The following KIAA0586 variants were observed in gnomAD, a reference collection of about 807,000 sequenced individuals.
KIAA0586 encodes KIAA0586, also known as protein TALPID3.
In KIAA0586, 144 loss-of-function variants were observed where a neutral mutation model predicts 169.8. The observed-to-expected ratio is 0.85, with a 90% CI of 0.74 to 0.97. The LOEUF (loss-of-function observed/expected upper bound fraction) is 0.97. Among genes scored for constraint, KIAA0586 ranks in the 50% least tolerant of loss-of-function variants. The pLI is 0.00. For synonymous variants in KIAA0586, 625 were observed against 612.4 expected, an observed-to-expected ratio of 1.02 and a Z score of -0.30; for missense variants, 1,854 against 1,823.0, an observed-to-expected ratio of 1.02 and a Z score of -0.31.
intron 10 of KIAA0586, 33 bp downstream of exon 10, chr14:58,456,843 A>G: frequency 1.8e-6 from 2 of 1,093,052 alleles, no homozygotes; most frequent in South Asian, 2.8e-5. Context: ...ATTGATGATT[A>G]GTTAAGATAA....
At position 58,459,827 on chromosome 14, in the gene KIAA0586, C is replaced by T. The variant is rs1354660207; in HGVS notation, c.1657-16C>T. On this transcript the variant is annotated splice_polypyrimidine_tract_variant and intron_variant, in intron 12 of 30. Transcript: ENST00000652326. ...TTGTAGACATTTTAAGTAATTTTAA[C>T]TTTGGTTATGTTAAGGATGAACTGT... 1.5e-6 allele frequency: 2 copies of T among 1,374,452 alleles called. No individual in the cohort carries two copies. Among genetic ancestry groups the T allele is most frequent in the South Asian group, 1.4e-5 (1 of 73,026 alleles). 85.1% of individuals were successfully genotyped at this position (1,374,452 alleles called of 1,614,324 possible). A position where few individuals can be genotyped will look rare whatever the true frequency, so the allele number is the denominator to read the frequency against.
intron 6 of KIAA0586, among the ~76,000 whole-genome samples, chr14:58,445,943 A>C (rs2038860470): frequency 6.6e-6 from 1 of 151,368 alleles, no homozygotes; most frequent in South Asian, 2.1e-4. Context: ...ATCTCAGTTC[A>C]CTGCAGCCTC....
chr14:58,521,623 C>G (rs2045235245), intron 29 of KIAA0586: 1 of 1,056,976 alleles, frequency 9.5e-7, no homozygotes, highest in African/African-American at 1.6e-5. Flanking sequence ...GGGGATCTTC[C>G]AAGTCTGGAA....
At chr14:58,553,177 A>G (rs1050148080), downstream of KIAA0586, among the ~76,000 whole-genome samples, 1 of 152,342 alleles carries the variant, frequency 6.6e-6, no homozygotes, top group African/African-American at 2.4e-5. Context: ...ATGTAATTAC[A>G]ACAACAGCCT....
Position 58,492,195 on chromosome 14 carries a change from T to A in KIAA0586, c.3910T>A (p.Phe1304Ile), listed in dbSNP as rs1441855459. ...GQVIRMSHKK[F>I]HADAILSFAK... ...AGTGATTAGGATGTCCCATAAAAAA[T>A]TTCATGCAGATGCAATTCTTTCTTT... Residue 1304 changes from phenylalanine to isoleucine, a missense_variant, in exon 26 of 31, where the codon TTT (phenylalanine) becomes ATT (isoleucine). Physicochemically the swap from Phe to Ile is conservative, Grantham distance 21. Transcript: ENST00000652326. 3.2e-6 allele frequency: 5 copies of A among 1,550,228 alleles called. No homozygotes were observed. Among genetic ancestry groups the A allele is most frequent in the Admixed American group, 3.9e-5 (2 of 50,878 alleles).
intron 20 of KIAA0586, among the ~76,000 whole-genome samples, chr14:58,478,703 C>T (rs543638212): frequency 4.6e-4 from 70 of 152,274 alleles, no homozygotes; most frequent in African/African-American, 1.6e-3. Context: ...CTGTCTTCTC[C>T]AAAAGCTTCC....
intron 1 of KIAA0586, among the ~76,000 whole-genome samples, chr14:58,428,666 C>CTTTTTTTTTTTT (rs33975443): frequency 1.3e-5 from 1 of 74,152 alleles, no homozygotes; most frequent in Non-Finnish European, 3.0e-5. Flanking sequence ...CCCTGTTGTG[C>CTTTTTTTTTTTT]TTTTTTTTTT....
chr14:58,486,605 A>G (rs2042460857), intron 21 of KIAA0586, among the ~76,000 whole-genome samples: 1 of 152,226 alleles, frequency 6.6e-6, no homozygotes, highest in Non-Finnish European at 1.5e-5. Context: ...AGTAAAAAAA[A>G]GATTGCCATA....
Position 58,482,674 on chromosome 14 carries a change from G to A in KIAA0586, c.3106G>A (p.Val1036Ile). 12 of 1,585,148 alleles carry A rather than the reference G, an allele frequency of 7.6e-6. No homozygotes were observed. The highest frequency in any genetic ancestry group is 7.7e-6 in the Non-Finnish European group (9 of 1,167,964). The change falls in exon 21 of 31, where the codon GTT becomes ATT. Residue 1036 changes from valine to isoleucine, a missense_variant. Val to Ile is a conservative substitution (Grantham distance 29, BLOSUM62 3). Coordinates refer to ENST00000652326, the MANE Select transcript of KIAA0586 (RefSeq NM_001329943.3). ...AKKQGPVATG[V>I]SGDASTNETY... ...GAAGCAAGGTCCTGTTGCTACAGGT[G>A]TTTCTGGGGATGCTTCAACAAATGA...
intron 21 of KIAA0586, among the ~76,000 whole-genome samples, chr14:58,484,291 G>A (rs192800788): frequency 6.6e-6 from 1 of 152,132 alleles, no homozygotes; most frequent in East Asian, 1.9e-4. Context: ...ATCTTCAGAA[G>A]TGTCATGGCT....
intron 30 of KIAA0586, among the ~76,000 whole-genome samples, chr14:58,543,527 T>TC (rs2046796785): frequency 6.6e-6 from 1 of 152,104 alleles, no homozygotes; most frequent in Non-Finnish European, 1.5e-5. Flanking sequence ...TTTTACTCCT[T>TC]CCCATACAGA....
In KIAA0586 at chr14:58,488,830, A is replaced by T. The variant is rs1169244621; in HGVS notation, c.3737A>T (p.Glu1246Val). ...ETETLDKPIS[E>V]GEILFSCGQK... Reference sequence around the variant, plus strand: ...GAAACTTTAGATAAACCCATCTCTGAAGGAGAGATTTTATTTAGCTGTGGT... The same window carrying T: ...GAAACTTTAGATAAACCCATCTCTGTAGGAGAGATTTTATTTAGCTGTGGT... The change falls in exon 24 of 31, where the codon GAA (glutamate) becomes GTA (valine). Residue 1246 changes from glutamate (E) to valine (V), a missense_variant. Coordinates refer to ENST00000652326, the MANE Select transcript of KIAA0586 (RefSeq NM_001329943.3). 4.3e-6 allele frequency: 7 copies of T among 1,613,716 alleles called. No individual in the cohort carries two copies. In the African/African-American group the frequency reaches 9.3e-5, roughly 22 times the overall value.
At chr14:58,544,861 A>T (rs544240681) in intron 30 of KIAA0586, among the ~76,000 whole-genome samples, 6 of 152,218 alleles carry the variant, frequency 3.9e-5, no homozygotes, top group Non-Finnish European at 8.8e-5. Context: ...TATCCAAACA[A>T]TATTTGATAT....
intron 26 of KIAA0586, among the ~76,000 whole-genome samples, chr14:58,497,550 A>G (rs1485281959): frequency 6.6e-6 from 1 of 151,264 alleles, no homozygotes; most frequent in Non-Finnish European, 1.5e-5. Flanking sequence ...TTTTTAGTAG[A>G]GACGGGGTTT....
At chr14:58,441,145 A>G in intron 4 of KIAA0586, 1 of 223,064 alleles carries the variant, frequency 4.5e-6, no homozygotes, top group Non-Finnish European at 9.7e-6. Flanking sequence ...TGGGATAAAA[A>G]ATAGTCACAA....
chr14:58,464,538 G>T (rs2040586717), intron 14 of KIAA0586, among the ~76,000 whole-genome samples: 1 of 151,878 alleles, frequency 6.6e-6, no homozygotes, highest in Non-Finnish European at 1.5e-5. Context: ...TTTTTTGTGT[G>T]TGTGTTCCAT....
chr14:58,545,504 C>T (rs1464369982), intron 30 of KIAA0586, among the ~76,000 whole-genome samples: 2 of 152,052 alleles, frequency 1.3e-5, no homozygotes, highest in South Asian at 2.1e-4. Flanking sequence ...AGATGCATAA[C>T]TCAAGGAATG....
At chr14:58,474,113 A>G (rs1407818469) in intron 18 of KIAA0586, among the ~76,000 whole-genome samples, 1 of 152,074 alleles carries the variant, frequency 6.6e-6, no homozygotes, top group Non-Finnish European at 1.5e-5. Context: ...ATCAGCTCTC[A>G]TATGAACTAA....
downstream of KIAA0586, among the ~76,000 whole-genome samples, chr14:58,555,140 G>A (rs1429522964): frequency 2.2e-4 from 26 of 119,704 alleles, no homozygotes; most frequent in African/African-American, 8.3e-4. Context: ...TTGCTCTGTC[G>A]CCCAGGCTGG....
Sources: gnomAD v4.1 joint callset for allele counts (sites outside exome capture counted in the v4.1 genomes callset) on GRCh38, gnomAD v4.1.1 for gene constraint, MANE v1.5 for transcripts, NCBI Gene and HGNC (gene_info 2026-07-23, HGNC 2026-07-21) for gene names.